The following TYW3 variants were observed in gnomAD, a reference collection of about 807,000 sequenced individuals.
TYW3 encodes the protein tRNA wybutosine-synthesizing protein 3 homolog.
TYW3 carries 26 observed loss-of-function variants against 23.1 expected under a neutral mutation model. The ratio of observed to expected loss-of-function variants is 1.13; its 90% confidence interval spans 0.83 to 1.56. The LOEUF is 1.56. Among genes scored for constraint, TYW3 ranks in the 40% most tolerant of loss-of-function variants. TYW3 has a pLI of 0.00. For synonymous variants in TYW3, 102 were observed against 105.7 expected (o/e 0.97, Z 0.21); for missense variants, 316 against 311.9 (o/e 1.01, Z -0.10).
chr1:74,750,144 C>T (rs1648727595), intron 4 of TYW3: 1 of 152,278 alleles, frequency 6.6e-6, no homozygotes, highest in Non-Finnish European at 1.5e-5. Context: ...CCTAGGTCTT[C>T]TGGCACTGCC....
At chr1:74,749,991 GT>G (rs1351909826) in intron 4 of TYW3, 1 of 152,070 alleles carries the variant, frequency 6.6e-6, no homozygotes, top group African/African-American at 2.4e-5. Context: ...CGTAGTACTG[GT>G]TTATGTCCCC....
At chr1:74,754,299 A>G (rs1416627842) in intron 5 of TYW3, among the ~76,000 whole-genome samples, 2 of 152,340 alleles carry the variant, frequency 1.3e-5, no homozygotes, top group South Asian at 2.1e-4. Context: ...GCTTAAATCC[A>G]TTGACTCAAA....
rs922807842 is a variant in TYW3 at position 74,744,727 on chromosome 1, A to T, written c.355-4024A>T. 6.6e-5 allele frequency among the ~76,000 whole-genome samples: 10 copies of T among 152,146 alleles called. No homozygotes were observed. The East Asian group carries it at 1.9e-3, about 29-fold the overall frequency. ...ACTGACTTCAAGAATGAAGTTGCAG[A>T]CACTCATGGTGAGTGTTACAGTTCT... On this transcript the variant is annotated intron_variant, in intron 3 of 5. Coordinates refer to ENST00000370867, the MANE Select transcript of TYW3 (RefSeq NM_138467.3).
intron 5 of TYW3, 45 bp from the exon 6 acceptor site, chr1:74,763,849 G>A (rs575190201): frequency 2.6e-5 from 39 of 1,475,786 alleles, no homozygotes; most frequent in African/African-American, 1.6e-4. Context: ...CAGTCATTTC[G>A]TTTCAGTACA....
rs201294534 is a variant in TYW3, at chr1:74,733,217, C to A, written c.-28C>A. ...GAGAGACGAGGCTACCATGAAGGAGCCGAGCGCAGACCCTGAGTCCGTCAC... is the reference window on the plus strand; with the variant it reads ...GAGAGACGAGGCTACCATGAAGGAGACGAGCGCAGACCCTGAGTCCGTCAC... On this transcript the variant is annotated 5_prime_UTR_variant, in exon 1 of 6. Transcript: ENST00000370867. 6.2e-7 allele frequency: 1 copy of A among 1,610,474 alleles called. No homozygotes were observed.
At chr1:74,740,237 G>A (rs145761120) in intron 3 of TYW3, among the ~76,000 whole-genome samples, 14 of 151,946 alleles carry the variant, frequency 9.2e-5, no homozygotes, top group East Asian at 1.9e-4. Flanking sequence ...GCAGACCTTC[G>A]CAGTGAGTGT....
chr1:74,738,203 C>T lies in TYW3; in HGVS notation c.256-487C>T, dbSNP rs545787879. ...GAACTCACTGGCTGTGCTCTGAGCT[C>T]TTTGCATGCACTGCTATTTGTGAGC... On this transcript the variant is annotated intron_variant, in intron 2 of 5. Transcript: ENST00000370867. 4.6e-5 allele frequency among the ~76,000 whole-genome samples: 7 copies of T among 152,198 alleles called. No homozygotes were observed. The South Asian group carries it at 1.5e-3, about 32-fold the overall frequency.
intron 3 of TYW3, among the ~76,000 whole-genome samples, chr1:74,747,409 G>A (rs955227345): frequency 1.2e-4 from 18 of 151,778 alleles, no homozygotes; most frequent in African/African-American, 2.2e-4. Context: ...AGGCCGAGGC[G>A]GGCGGATCAC....
At position 74,752,391 on chromosome 1, in the gene TYW3, C is replaced by G; in HGVS notation, c.526C>G (p.Gln176Glu). 6.2e-7 allele frequency: 1 copy of G among 1,611,862 alleles called. No homozygotes were observed. Among genetic ancestry groups the G allele is most frequent in the Non-Finnish European group, 8.5e-7 (1 of 1,179,164 alleles). The change falls in exon 5 of 6, where the codon CAA becomes GAA. Residue 176 changes from glutamine (Q) to glutamate (E), a missense_variant. Gln to Glu is a conservative substitution (Grantham distance 29). Transcript: ENST00000370867. ...TGACTTCCTGTTAAATGTGGCAAAT[C>G]AAAAAATGGAGGAAAACAAGAAAAG... ...YIDFLLNVAN[Q>E]KMEENKKRIE...
intron 2 of TYW3, among the ~76,000 whole-genome samples, chr1:74,736,999 T>C (rs538444241): frequency 6.6e-6 from 1 of 152,354 alleles, no homozygotes; most frequent in South Asian, 2.1e-4. Context: ...TATAAATAAA[T>C]AATACATTAC....
At chr1:74,752,248 T>C (rs747345887) in intron 4 of TYW3, 44 bp from the exon 5 acceptor site, 8 of 1,542,040 alleles carry the variant, frequency 5.2e-6, no homozygotes, top group South Asian at 5.2e-5. Flanking sequence ...TTTCAGTTTC[T>C]GTGGTATCTA....
intron 5 of TYW3, among the ~76,000 whole-genome samples, chr1:74,755,642 C>G (rs548796464): frequency 5.3e-5 from 8 of 152,210 alleles, no homozygotes; most frequent in Admixed American, 4.6e-4. Context: ...CATCATTGTA[C>G]AAGTATCTGA....
At chr1:74,762,338 T>C (rs575907070) in intron 5 of TYW3, among the ~76,000 whole-genome samples, 1 of 152,284 alleles carries the variant, frequency 6.6e-6, no homozygotes, top group South Asian at 2.1e-4. Flanking sequence ...AGATCTATTC[T>C]GTAGATATCA....
chr1:74,752,561 T>A, intron 5 of TYW3, 136 bp downstream of exon 5: 7 of 779,876 alleles, frequency 9.0e-6, no homozygotes, highest in Non-Finnish European at 1.1e-5. Context: ...TTTATTATCA[T>A]TAATAATAAA....
chr1:74,755,194 T>C (rs976308335), intron 5 of TYW3, among the ~76,000 whole-genome samples: 1 of 152,242 alleles, frequency 6.6e-6, no homozygotes, highest in Non-Finnish European at 1.5e-5. Context: ...TATTTTCTGA[T>C]AAAATGTACG....
At chr1:74,745,067 C>A (rs1648508668) in intron 3 of TYW3, among the ~76,000 whole-genome samples, 1 of 151,412 alleles carries the variant, frequency 6.6e-6, no homozygotes, top group African/African-American at 2.4e-5. Context: ...AAGCCACAGG[C>A]CTTCGCAGTG....
intron 5 of TYW3, among the ~76,000 whole-genome samples, chr1:74,756,865 C>T (rs950274259): frequency 7.9e-5 from 12 of 152,186 alleles, no homozygotes; most frequent in Non-Finnish European, 2.9e-5. Context: ...CCCAAGGTCC[C>T]TGTGCTGTGT....
intron 3 of TYW3, among the ~76,000 whole-genome samples, chr1:74,743,680 G>A (rs1035863372): frequency 3.9e-5 from 6 of 152,136 alleles, no homozygotes; most frequent in Non-Finnish European, 8.8e-5. Context: ...TCTGAGTCGA[G>A]GTCCCAGTGG....
At chr1:74,763,335 T>C (rs556804928) in intron 5 of TYW3, among the ~76,000 whole-genome samples, 3 of 152,084 alleles carry the variant, frequency 2.0e-5, no homozygotes, top group African/African-American at 4.8e-5. Flanking sequence ...AAAATTTGAA[T>C]GTAAATAAAG....
Sources: allele counts gnomAD v4.1 joint callset (sites outside exome capture counted in the v4.1 genomes callset), GRCh38; gene constraint gnomAD v4.1.1; transcripts MANE v1.5; gene names NCBI Gene and HGNC (gene_info 2026-07-23, HGNC 2026-07-21).